EFHD1: variants seen among roughly 807,000 people sequenced by gnomAD.
The protein encoded by EFHD1 is EF-hand domain family member D1.
Under a neutral mutation model 17.2 loss-of-function variants are expected in EFHD1, and 10 were observed. That is an observed-to-expected ratio of 0.58 (90% confidence interval 0.36 to 0.99). The LOEUF (loss-of-function observed/expected upper bound fraction) is 0.99. Among genes scored for constraint, EFHD1 ranks in the 50% least tolerant of loss-of-function variants. The pLI is 0.01. For synonymous variants in EFHD1, 153 were observed against 142.0 expected, an observed-to-expected ratio of 1.08 and a Z score of -0.55; for missense variants, 310 against 327.5, an observed-to-expected ratio of 0.95 and a Z score of 0.41.
chr2:232,623,924 C>T (rs1433746586), intron 1 of EFHD1, among the ~76,000 whole-genome samples: 1 of 151,950 alleles, frequency 6.6e-6, no homozygotes, highest in East Asian at 1.9e-4. Context: ...CAGAATCGCC[C>T]CAGGGGCCAG....
chr2:232,632,652 G>A (rs1211993702), upstream of EFHD1, among the ~76,000 whole-genome samples: 1 of 151,936 alleles, frequency 6.6e-6, no homozygotes. Flanking sequence ...TAGAGCCAGG[G>A]TCTCACTCTG....
chr2:232,673,057 T>A (rs1695108174), intron 3 of EFHD1, among the ~76,000 whole-genome samples: 1 of 152,200 alleles, frequency 6.6e-6, no homozygotes, highest in South Asian at 2.1e-4. Flanking sequence ...GGTCCTTCCT[T>A]CCTGACTTAA....
upstream of EFHD1, among the ~76,000 whole-genome samples, chr2:232,632,896 G>C (rs1694228208): frequency 6.6e-6 from 1 of 152,218 alleles, no homozygotes; most frequent in South Asian, 2.1e-4. Flanking sequence ...TGTTGGGATT[G>C]CGGATGTGAG....
chr2:232,625,626 A>G (rs1353504253), intron 1 of EFHD1, among the ~76,000 whole-genome samples: 1 of 152,176 alleles, frequency 6.6e-6, no homozygotes, highest in Non-Finnish European at 1.5e-5. Flanking sequence ...CACACAGAGA[A>G]CAGAATACTC....
At chr2:232,607,848 C>G (rs1447039951) in intron 1 of EFHD1, among the ~76,000 whole-genome samples, 1 of 151,196 alleles carries the variant, frequency 6.6e-6, no homozygotes, top group East Asian at 2.0e-4. Flanking sequence ...GATCCCAGCA[C>G]TTTGAGAGGC....
chr2:232,638,578 C>T (rs368449909), intron 1 of EFHD1: 30 of 394,276 alleles, frequency 7.6e-5, no homozygotes, highest in South Asian at 2.8e-4. Context: ...GAGAGAGAAG[C>T]GGGTGTAGAT....
intron 1 of EFHD1, among the ~76,000 whole-genome samples, chr2:232,649,531 A>G (rs553874264): frequency 2.6e-5 from 4 of 152,216 alleles, no homozygotes; most frequent in African/African-American, 9.6e-5. Context: ...GCTGTCTGGG[A>G]CAAGTTGGGT....
At chr2:232,622,038 A>T (rs931794462) in intron 1 of EFHD1, among the ~76,000 whole-genome samples, 1 of 152,244 alleles carries the variant, frequency 6.6e-6, no homozygotes, top group Non-Finnish European at 1.5e-5. Flanking sequence ...AACTTCCTTA[A>T]GAAATGCTCC....
chr2:232,613,148 G>A (rs1306087711), intron 1 of EFHD1, among the ~76,000 whole-genome samples: 3 of 152,032 alleles, frequency 2.0e-5, no homozygotes, highest in African/African-American at 7.2e-5. Context: ...TCCAGGCCAG[G>A]CGTGGTGGCT....
chr2:232,609,677 G>C (rs1363745231), intron 1 of EFHD1, among the ~76,000 whole-genome samples: 1 of 152,038 alleles, frequency 6.6e-6, no homozygotes, highest in African/African-American at 2.4e-5. Context: ...ACTCCCAAAG[G>C]CCTCCTGCTC....
At chr2:232,636,228 T>TGGC (rs1367493508) in intron 1 of EFHD1, among the ~76,000 whole-genome samples, 1 of 152,218 alleles carries the variant, frequency 6.6e-6, no homozygotes, top group Non-Finnish European at 1.5e-5. Context: ...ATTTTACTCA[T>TGGC]GGCAGCAGCA....
intron 3 of EFHD1, 27 bp from the exon 4 acceptor site, chr2:232,681,558 T>C: frequency 1.2e-6 from 2 of 1,609,354 alleles, no homozygotes; most frequent in East Asian, 4.5e-5. Flanking sequence ...CTTACTCGTT[T>C]GGTCTATGTC....
At chr2:232,624,872 AC>A (rs1022239707) in intron 1 of EFHD1, among the ~76,000 whole-genome samples, 2 of 151,728 alleles carry the variant, frequency 1.3e-5, no homozygotes, top group African/African-American at 4.8e-5. Flanking sequence ...TCACTGTTAG[AC>A]CCCCTCACTT....
chr2:232,639,158 G>A (rs112316858), intron 1 of EFHD1, among the ~76,000 whole-genome samples: 2,669 of 152,196 alleles, frequency 0.018, 83 homozygotes, highest in African/African-American at 0.061. Context: ...CTCTCCCTGG[G>A]ATGTCTCCTC....
At chr2:232,677,243 T>TACACACAC (rs569120803) in intron 3 of EFHD1, among the ~76,000 whole-genome samples, 15 of 99,380 alleles carry the variant, frequency 1.5e-4, no homozygotes, top group African/African-American at 4.4e-4. Context: ...CACACACACG[T>TACACACAC]ACACACACAC....
At chr2:232,620,892 C>T (rs1298940784) in intron 1 of EFHD1, among the ~76,000 whole-genome samples, 2 of 151,988 alleles carry the variant, frequency 1.3e-5, no homozygotes, top group South Asian at 2.1e-4. Context: ...CTGGGTTCCA[C>T]GTTCTGGGGA....
In EFHD1 at chr2:232,673,758, T is replaced by C. The variant is rs535673287; in HGVS notation, c.585+1315T>C. Among the ~76,000 whole-genome samples, 12 of 152,212 alleles carry C rather than the reference T, an allele frequency of 7.9e-5. No homozygotes were observed. In the South Asian group the frequency reaches 2.1e-3, roughly 26 times the overall value. ...TTTTATTTTATTTTATTTTTTGAGA[T>C]GGAGTGTCGCTCTGCCACCCAGGCT... On this transcript the variant is annotated intron_variant, in intron 3 of 3. Coordinates refer to ENST00000264059, the MANE Select transcript of EFHD1 (RefSeq NM_025202.4).
intron 2 of EFHD1, among the ~76,000 whole-genome samples, chr2:232,664,251 A>T (rs1694928140): frequency 6.6e-6 from 1 of 151,486 alleles, no homozygotes; most frequent in Non-Finnish European, 1.5e-5. Flanking sequence ...CCATCCTCCC[A>T]CTTCAGCCTC....
At chr2:232,665,148 A>G (rs866838376) in intron 2 of EFHD1, among the ~76,000 whole-genome samples, 1 of 152,164 alleles carries the variant, frequency 6.6e-6, no homozygotes, top group South Asian at 2.1e-4. Flanking sequence ...TAGTCCAAGA[A>G]TGGACTTGGT....
Sources: allele counts gnomAD v4.1 joint callset (sites outside exome capture counted in the v4.1 genomes callset), GRCh38; gene constraint gnomAD v4.1.1; transcripts MANE v1.5; gene names NCBI Gene and HGNC (gene_info 2026-07-23, HGNC 2026-07-21).